FGD4: variants seen among roughly 807,000 people sequenced by gnomAD.
FGD4 encodes FYVE, RhoGEF and PH domain containing 4, also known as FYVE, RhoGEF and PH domain-containing protein 4.
In FGD4, 42 loss-of-function variants were observed where a neutral mutation model predicts 102.0. The ratio of observed to expected loss-of-function variants is 0.41; its 90% CI spans 0.32 to 0.53. The LOEUF is 0.53. Among genes scored for constraint, FGD4 ranks in the 20% least tolerant of loss-of-function variants. FGD4 has a pLI of 0.21. For missense variants in FGD4, 902 were observed against 1,078.2 expected, an observed-to-expected ratio of 0.84 and a Z score of 2.29; for synonymous variants, 380 against 375.7, an observed-to-expected ratio of 1.01 and a Z score of -0.13.
chr12:32,561,006 TTTA>T (rs1287928304), intron 1 of FGD4, among the ~76,000 whole-genome samples: 1 of 151,566 alleles, frequency 6.6e-6, no homozygotes, highest in Non-Finnish European at 1.5e-5. Context: ...CAAAATCTGT[TTTA>T]CCAAGATAAA....
intron 1 of FGD4, among the ~76,000 whole-genome samples, chr12:32,403,361 G>C (rs563118247): frequency 1.3e-5 from 2 of 152,224 alleles, no homozygotes; most frequent in African/African-American, 4.8e-5. Flanking sequence ...TAGCACTCAC[G>C]TTCTAGTCCC....
chr12:32,412,899 A>ATTTTTTTTTTTTTTTT (rs869107334), intron 1 of FGD4, among the ~76,000 whole-genome samples: 1 of 87,018 alleles, frequency 1.1e-5, no homozygotes, highest in Non-Finnish European at 2.0e-5. Flanking sequence ...TTTTCTAGAA[A>ATTTTTTTTTTTTTTTT]TTTTTTTTTT....
chr12:32,529,272 G>C (rs1287136616), intron 1 of FGD4, among the ~76,000 whole-genome samples: 2 of 151,780 alleles, frequency 1.3e-5, no homozygotes, highest in Non-Finnish European at 2.9e-5. Context: ...GCACCACCAC[G>C]CGCACCACCA....
chr12:32,445,701 C>A (rs1942589349), intron 1 of FGD4, among the ~76,000 whole-genome samples: 1 of 152,162 alleles, frequency 6.6e-6, no homozygotes, highest in African/African-American at 2.4e-5. Flanking sequence ...GGGAGTTGGG[C>A]TATACTGCAA....
intron 1 of FGD4, among the ~76,000 whole-genome samples, chr12:32,417,968 T>C (rs1395241793): frequency 6.8e-6 from 1 of 147,452 alleles, no homozygotes; most frequent in Non-Finnish European, 1.5e-5. Flanking sequence ...TTTTTTTTTT[T>C]TTTTTTGAGA....
intron 1 of FGD4, among the ~76,000 whole-genome samples, chr12:32,529,417 G>A (rs545437601): frequency 5.3e-5 from 8 of 152,032 alleles, no homozygotes; most frequent in Non-Finnish European, 1.0e-4. Context: ...GAGCCACCGC[G>A]CCTGGCCTAC....
At chr12:32,639,974 C>T (rs571640490) in intron 16 of FGD4, among the ~76,000 whole-genome samples, 46 of 152,178 alleles carry the variant, frequency 3.0e-4, no homozygotes, top group African/African-American at 9.6e-4. Context: ...AGTATGATGG[C>T]GATTTTTCTT....
chr12:32,410,422 C>G (rs111352942), intron 1 of FGD4, among the ~76,000 whole-genome samples: 10,585 of 151,754 alleles, frequency 0.07, 442 homozygotes, highest in Middle Eastern at 0.15. Context: ...GAGGCTGAGG[C>G]TGCAGTGACC....
chr12:32,470,632 T>C (rs1023682723), intron 1 of FGD4, among the ~76,000 whole-genome samples: 1 of 151,938 alleles, frequency 6.6e-6, no homozygotes. Flanking sequence ...TTTTGTATTT[T>C]TGGTAGAGAG....
chr12:32,569,181 A>T (rs1945440408), intron 2 of FGD4, among the ~76,000 whole-genome samples: 1 of 152,130 alleles, frequency 6.6e-6, no homozygotes, highest in Admixed American at 6.5e-5. Flanking sequence ...ACCTTTTCCT[A>T]AGCACTGTGA....
intron 10 of FGD4, among the ~76,000 whole-genome samples, chr12:32,611,843 G>A (rs553428956): frequency 1.3e-4 from 20 of 152,328 alleles, no homozygotes; most frequent in African/African-American, 4.8e-4. Flanking sequence ...GGGAGGCATG[G>A]CCAGGGCAGC....
At chr12:32,446,867 G>T (rs892544756) in intron 1 of FGD4, among the ~76,000 whole-genome samples, 2 of 152,170 alleles carry the variant, frequency 1.3e-5, no homozygotes, top group Non-Finnish European at 2.9e-5. Flanking sequence ...TGTTGATCTG[G>T]TTCCTGGAGC....
At chr12:32,479,538 T>G (rs1187325932) in intron 1 of FGD4, among the ~76,000 whole-genome samples, 1 of 150,454 alleles carries the variant, frequency 6.6e-6, no homozygotes, top group Non-Finnish European at 1.5e-5. Context: ...TTCCCCTGGG[T>G]AGGTACATAA....
intron 1 of FGD4, among the ~76,000 whole-genome samples, chr12:32,496,656 A>G (rs1937836506): frequency 1.3e-5 from 2 of 152,242 alleles, no homozygotes; most frequent in Admixed American, 1.3e-4. Context: ...TAATACATAA[A>G]CATAAATATA....
At position 32,607,999 on chromosome 12, in the gene FGD4, C is replaced by A; in HGVS notation, c.1447C>A (p.Leu483Ile). 1 of 1,614,236 alleles carries A rather than the reference C, an allele frequency of 6.2e-7. No individual in the cohort carries two copies. The highest frequency in any genetic ancestry group is 1.7e-5 in the Admixed American group (1 of 60,024). ...GAGCTTAACTTTGCAGCATCACATGCTAGAACCTGTTCAGCGGATTCCCCG... is the reference window on the plus strand; with the variant it reads ...GAGCTTAACTTTGCAGCATCACATGATAGAACCTGTTCAGCGGATTCCCCG... ...CGSLTLQHHM[L>I]EPVQRIPRYE... is the part of the protein sequence containing the mutation. The change falls in exon 8 of 17, where the codon CTA becomes ATA. Residue 483 changes from leucine to isoleucine, a missense_variant. This residue lies in a region of FGD4 where 459 missense variants were observed against 619.0 expected (regional missense o/e 0.74). Coordinates refer to ENST00000534526, the MANE Select transcript of FGD4 (RefSeq NM_001370298.3).
intron 1 of FGD4, 142 bp downstream of exon 1, chr12:32,400,101 C>A: frequency 8.2e-7 from 1 of 1,216,264 alleles, no homozygotes; most frequent in South Asian, 1.7e-5. Flanking sequence ...GAAGGCTGCG[C>A]TCGGCCACCC....
intron 16 of FGD4, 94 bp downstream of exon 16, chr12:32,638,889 C>G (rs749211723): frequency 6.3e-7 from 1 of 1,587,536 alleles, no homozygotes; most frequent in Non-Finnish European, 8.6e-7. Flanking sequence ...AACAAGAGTT[C>G]AGGCAGTTTC....
chr12:32,418,943 C>T (rs1048346638), intron 1 of FGD4, among the ~76,000 whole-genome samples: 2 of 152,190 alleles, frequency 1.3e-5, no homozygotes, highest in African/African-American at 4.8e-5. Context: ...AGTTGCTTCC[C>T]ACTCTTCCCT....
At chr12:32,610,920 G>T in intron 9 of FGD4, 86 bp downstream of exon 9, 2 of 1,448,090 alleles carry the variant, frequency 1.4e-6, no homozygotes, top group Non-Finnish European at 1.9e-6. Flanking sequence ...TTGGACCAAA[G>T]TGAATTGAAA....
Sources: allele counts gnomAD v4.1 joint callset (sites outside exome capture counted in the v4.1 genomes callset), GRCh38; gene constraint gnomAD v4.1.1; regional missense constraint gnomAD v4.1.1; transcripts MANE v1.5; gene names NCBI Gene and HGNC (gene_info 2026-07-23, HGNC 2026-07-21).